Variants in GSTA3 observed in about 807,000 individuals in gnomAD.
GSTA3 encodes glutathione S-transferase alpha 3, also known as glutathione S-transferase A3.
In GSTA3, 16 loss-of-function variants were observed where a neutral mutation model predicts 23.1. The ratio of observed to expected loss-of-function variants is 0.69; its 90% confidence interval spans 0.47 to 1.05. The LOEUF (loss-of-function observed/expected upper bound fraction) is 1.05, where lower values mean the gene tolerates loss of function less well. Ranked by LOEUF, GSTA3 falls within the 50% of genes least tolerant of loss-of-function variation. GSTA3 has a pLI of 0.00. For missense variants in GSTA3, 319 were observed against 263.6 expected (o/e 1.21, Z -1.46); for synonymous variants, 122 against 91.0 (o/e 1.34, Z -1.94).
chr6:52,902,237 G>A (rs1323733199), intron 4 of GSTA3, 109 bp downstream of exon 4: 2 of 1,385,058 alleles, frequency 1.4e-6, no homozygotes, highest in Non-Finnish European at 2.0e-6. Flanking sequence ...CACGCCCAAG[G>A]CCCAGCCTGC....
chr6:52,897,556 G>A (rs1370622259), intron 6 of GSTA3, among the ~76,000 whole-genome samples: 1 of 152,222 alleles, frequency 6.6e-6, no homozygotes, highest in Non-Finnish European at 1.5e-5. Context: ...AGAGGAATGG[G>A]GGAGGAAGGA....
chr6:52,908,036 A>G (rs963675811), intron 1 of GSTA3, among the ~76,000 whole-genome samples: 16 of 152,124 alleles, frequency 1.1e-4, no homozygotes, highest in African/African-American at 3.9e-4. Context: ...CCACCCCTCA[A>G]ACTGTGAGCT....
intron 2 of GSTA3, among the ~76,000 whole-genome samples, chr6:52,904,577 G>T (rs545663807): frequency 6.6e-6 from 1 of 152,142 alleles, no homozygotes. Context: ...GAAGGGGCGC[G>T]CTAGAAGTTC....
At chr6:52,900,664 A>G (rs1002774491) in intron 4 of GSTA3, among the ~76,000 whole-genome samples, 2 of 152,178 alleles carry the variant, frequency 1.3e-5, no homozygotes, top group African/African-American at 4.8e-5. Flanking sequence ...TGACCTGTCT[A>G]CAGTCACAGT....
intron 5 of GSTA3, among the ~76,000 whole-genome samples, chr6:52,899,273 C>A (rs1451036848): frequency 6.6e-6 from 1 of 152,148 alleles, no homozygotes; most frequent in Non-Finnish European, 1.5e-5. Flanking sequence ...CATGTTAATT[C>A]TTTGAAAAGA....
rs146768751 is a variant in GSTA3 at position 52,896,904 on chromosome 6, G to C, written c.571C>G (p.Leu191Val). 1.2e-6 allele frequency: 2 copies of C among 1,614,070 alleles called. No individual in the cohort carries two copies. Among genetic ancestry groups the C allele is most frequent in the Non-Finnish European group, 1.7e-6 (2 of 1,179,936 alleles). Residue 191 changes from leucine to valine, a missense_variant, in exon 7 of 7, where the codon CTG becomes GTG. Physicochemically the swap from Leu to Val is conservative, Grantham distance 32. Transcript: ENST00000211122. ...TGTAGAAACTTCTTCACCGTGGGCAGGTTGCTGATTCTGGTTTTCAGGGCC... is the reference window on the plus strand; with the variant it reads ...TGTAGAAACTTCTTCACCGTGGGCACGTTGCTGATTCTGGTTTTCAGGGCC... The part of the protein sequence containing the change: ...LKALKTRISN[L>V]PTVKKFLQPG...
At chr6:52,897,990 T>C in intron 5 of GSTA3, 34 bp from the exon 6 acceptor site, 1 of 1,613,108 alleles carries the variant, frequency 6.2e-7, no homozygotes, top group Non-Finnish European at 8.5e-7. Flanking sequence ...CAGGAATACA[T>C]GCGCACCCAG....
intron 3 of GSTA3, 54 bp downstream of exon 3, chr6:52,903,622 G>A (rs1009663726): frequency 1.6e-5 from 15 of 910,904 alleles, no homozygotes; most frequent in South Asian, 1.0e-4. Context: ...AATCTTCAGC[G>A]GTACCTTCTC....
intron 4 of GSTA3, 41 bp from the exon 5 acceptor site, chr6:52,900,116 C>T (rs1195919310): frequency 6.4e-7 from 1 of 1,563,740 alleles, no homozygotes; most frequent in Non-Finnish European, 8.7e-7. Flanking sequence ...TGCCTCTTGC[C>T]TTAGATTTTG....
intron 2 of GSTA3, 38 bp downstream of exon 2, chr6:52,905,710 A>G (rs1280486916): frequency 1.7e-6 from 2 of 1,155,842 alleles, no homozygotes; most frequent in Non-Finnish European, 2.6e-6. Context: ...GATACAGTCA[A>G]TTAGGTCCAA....
chr6:52,908,963 G>T (rs1220051698), intron 1 of GSTA3, among the ~76,000 whole-genome samples: 1 of 152,148 alleles, frequency 6.6e-6, no homozygotes, highest in Non-Finnish European at 1.5e-5. Context: ...AAAAGAGGAG[G>T]AGGAAGAAGA....
At chr6:52,908,357 A>T (rs1165708122) in intron 1 of GSTA3, among the ~76,000 whole-genome samples, 1 of 150,980 alleles carries the variant, frequency 6.6e-6, no homozygotes, top group African/African-American at 2.4e-5. Context: ...TCTCTATTTA[A>T]AAAAAAAATT....
chr6:52,902,338 T>C lies in GSTA3; in HGVS notation c.272+8A>G, dbSNP rs1398678678. On this transcript the variant is annotated splice_region_variant and intron_variant, in intron 4 of 6. Transcript: ENST00000211122. ...TCTGTGGATGGAAGAACACAAAATATACCGTACAGGGCTCTCTCCTTTATG... is the reference window on the plus strand; with the variant it reads ...TCTGTGGATGGAAGAACACAAAATACACCGTACAGGGCTCTCTCCTTTATG... 2.5e-6 allele frequency: 4 copies of C among 1,612,496 alleles called. No homozygotes were observed. Among genetic ancestry groups the C allele is most frequent in the East Asian group, 2.2e-5 (1 of 44,880 alleles).
intron 5 of GSTA3, 144 bp from the exon 6 acceptor site, chr6:52,898,100 CTGA>C: frequency 2.2e-6 from 2 of 911,786 alleles, no homozygotes; most frequent in Non-Finnish European, 3.5e-6. Flanking sequence ...TTTATGTTCC[CTGA>C]TTGAGTGAGG....
intron 6 of GSTA3, 116 bp downstream of exon 6, chr6:52,897,709 G>T (rs1360720636): frequency 2.7e-6 from 3 of 1,122,900 alleles, no homozygotes; most frequent in Non-Finnish European, 2.7e-6. Context: ...AGACCTGGGG[G>T]TACTGAAGGC....
At chr6:52,900,493 C>T (rs1765642827) in intron 4 of GSTA3, among the ~76,000 whole-genome samples, 1 of 152,072 alleles carries the variant, frequency 6.6e-6, no homozygotes. Flanking sequence ...AAACCCCTGA[C>T]CTCACGTGAT....
chr6:52,897,839 A>G lies in GSTA3; in HGVS notation c.532T>C (p.Phe178Leu). 6.2e-7 allele frequency: 1 copy of G among 1,613,510 alleles called. No individual in the cohort carries two copies. Among genetic ancestry groups the G allele is most frequent in the Non-Finnish European group, 8.5e-7 (1 of 1,179,794 alleles). The change falls in exon 6 of 7, where the codon TTC (phenylalanine) becomes CTC (leucine). Residue 178 changes from phenylalanine (F) to leucine (L), a missense_variant. Physicochemically the swap from Phe to Leu is conservative, Grantham distance 22. Transcript: ENST00000211122. The part of the protein sequence containing the change: ...EELDSSLISN[F>L]PLLKALKTRI... ...AAATGGGTCACCTTCAGCAGAGGGA[A>G]GTTGGAGATAAGGCTGGAGTCAAGC...
At chr6:52,908,907 A>T (rs983633011) in intron 1 of GSTA3, among the ~76,000 whole-genome samples, 1 of 152,172 alleles carries the variant, frequency 6.6e-6, no homozygotes, top group African/African-American at 2.4e-5. Context: ...TTGGTCCCAG[A>T]TACTTCGAAC....
At chr6:52,908,847 A>G (rs1765978889) in intron 1 of GSTA3, among the ~76,000 whole-genome samples, 1 of 152,186 alleles carries the variant, frequency 6.6e-6, no homozygotes, top group Admixed American at 6.5e-5. Context: ...TAAAAGTCCT[A>G]TATATTTAGA....
Sources: gnomAD v4.1 joint callset for allele counts (sites outside exome capture counted in the v4.1 genomes callset) on GRCh38, gnomAD v4.1.1 for gene constraint, MANE v1.5 for transcripts, NCBI Gene and HGNC (gene_info 2026-07-23, HGNC 2026-07-21) for gene names.